The following DNAH12 variants were observed in gnomAD, a reference collection of about 807,000 sequenced individuals.
The protein encoded by DNAH12 is dynein axonemal heavy chain 12.
Under a neutral mutation model 371.5 loss-of-function variants are expected in DNAH12, and 285 were observed. The ratio of observed to expected loss-of-function variants is 0.77; its 90% CI spans 0.70 to 0.85. The LOEUF (loss-of-function observed/expected upper bound fraction) is 0.85. Ranked by LOEUF, DNAH12 falls within the 40% of genes least tolerant of loss-of-function variation. The probability of loss-of-function intolerance (pLI) is 0.00; values close to 1 mark genes in which losing one functional copy is unlikely to be tolerated. For missense variants in DNAH12, 3,611 were observed against 3,689.4 expected (o/e 0.98, Z 0.55); for synonymous variants, 1,200 against 1,213.0 (o/e 0.99, Z 0.22).
At chr3:57,470,156 T>TCTGACATGAAAC (rs1330945105) in intron 16 of DNAH12, among the ~76,000 whole-genome samples, 1 of 151,984 alleles carries the variant, frequency 6.6e-6, no homozygotes, top group Non-Finnish European at 1.5e-5. Flanking sequence ...GTCAGAAGGG[T>TCTGACATGAAAC]AATGTGCCGA....
the DNAH12 span, among the ~76,000 whole-genome samples, chr3:57,551,730 GAT>G: frequency 2.6e-5 from 4 of 151,364 alleles, no homozygotes; most frequent in East Asian, 1.9e-4. Flanking sequence ...TTTCTAAAAA[GAT>G]ATGTTTTCTC....
At position 57,419,393 on chromosome 3, in the gene DNAH12, T is replaced by C. The variant is rs2064493430; in HGVS notation, c.5688A>G (p.Leu1896=). The change falls in exon 37 of 74, where the codon CTA becomes CTG. Residue 1896 remains leucine (L), a synonymous_variant. Transcript: ENST00000495027. ...TTGCATAGGTAATACTCAAATCCAT[T>C]AGAAACGTATATCTAATTGTGTCCA... The part of the protein sequence containing the change: ...PTMDTIRYTF[L]MDLSITYAKP... 1.3e-6 allele frequency: 2 copies of C among 1,504,702 alleles called. No individual in the cohort carries two copies. 93.2% of individuals were successfully genotyped at this position (1,504,702 alleles called of 1,614,324 possible).
Position 57,461,961 on chromosome 3 carries a change from T to C in DNAH12, c.2536-272A>G, listed in dbSNP as rs147610136. Among the ~76,000 whole-genome samples, 10 of 152,284 alleles carry C rather than the reference T, an allele frequency of 6.6e-5. No homozygotes were observed. In the East Asian group the frequency reaches 1.9e-3, roughly 29 times the overall value. The stretch of plus-strand genomic sequence containing the variant: ...AATGGACAAGAGAATAAAATACCTG[T>C]AGGACTTTCTCTGAAGTGGCCTTTC... On this transcript the variant is annotated intron_variant, in intron 18 of 73. Transcript: ENST00000495027.
chr3:57,346,773 C>A (rs1283893096), intron 60 of DNAH12, among the ~76,000 whole-genome samples: 1 of 152,016 alleles, frequency 6.6e-6, no homozygotes, highest in Non-Finnish European at 1.5e-5. Flanking sequence ...GAAAGATATA[C>A]CATGCTAACA....
At chr3:57,470,913 G>T (rs1055217697) in intron 15 of DNAH12, among the ~76,000 whole-genome samples, 5 of 152,036 alleles carry the variant, frequency 3.3e-5, no homozygotes, top group African/African-American at 1.2e-4. Context: ...TGCCATGTTG[G>T]CTAGGCTGGT....
At chr3:57,363,278 T>C (rs2062978201) in intron 58 of DNAH12, among the ~76,000 whole-genome samples, 2 of 151,996 alleles carry the variant, frequency 1.3e-5, no homozygotes, top group Non-Finnish European at 2.9e-5. Flanking sequence ...ATACCTTACC[T>C]ATCCAATAAT....
intron 13 of DNAH12, among the ~76,000 whole-genome samples, chr3:57,477,451 G>A (rs940845610): frequency 4.6e-5 from 7 of 152,246 alleles, no homozygotes; most frequent in South Asian, 2.1e-4. Flanking sequence ...TGGAGTGCAC[G>A]GCAGCTCAAG....
chr3:57,449,423 C>T (rs11927060), intron 25 of DNAH12, among the ~76,000 whole-genome samples: 68,165 of 152,056 alleles, frequency 0.45, 17,124 homozygotes, highest in South Asian at 0.59. Flanking sequence ...AGGCTCCGGC[C>T]GCACAGGAGC....
chr3:57,302,131 A>G (rs1029966514), intron 69 of DNAH12, among the ~76,000 whole-genome samples, 192 bp from the exon 70 acceptor site: 1 of 152,172 alleles, frequency 6.6e-6, no homozygotes, highest in African/African-American at 2.4e-5. Flanking sequence ...TAATCATTAC[A>G]TACATATTTT....
chr3:57,520,032 G>A (rs1175111877), intron 4 of DNAH12: 6 of 713,438 alleles, frequency 8.4e-6, no homozygotes, highest in Non-Finnish European at 1.5e-5. Context: ...GGAGCCGATG[G>A]CCGACGTTGG....
intron 49 of DNAH12, among the ~76,000 whole-genome samples, chr3:57,383,453 A>G (rs2063437155): frequency 6.6e-6 from 1 of 151,678 alleles, no homozygotes; most frequent in African/African-American, 2.4e-5. Context: ...CATAGGGAGA[A>G]GTTACTTAAA....
chr3:57,500,635 A>G (rs183383417), intron 11 of DNAH12, among the ~76,000 whole-genome samples: 21 of 152,292 alleles, frequency 1.4e-4, no homozygotes, highest in Admixed American at 6.5e-4. Context: ...CTTCTTGCAT[A>G]ATCTCTTCAC....
intron 69 of DNAH12, among the ~76,000 whole-genome samples, chr3:57,304,362 G>A (rs1038320797): frequency 1.3e-5 from 2 of 152,048 alleles, no homozygotes; most frequent in Non-Finnish European, 2.9e-5. Context: ...TATGACCTCG[G>A]GTCCTCAGAC....
chr3:57,333,230 C>T (rs1348907609), intron 62 of DNAH12, among the ~76,000 whole-genome samples: 10 of 151,594 alleles, frequency 6.6e-5, no homozygotes, highest in African/African-American at 1.7e-4. Context: ...TTCCCGAGCT[C>T]GAACTCCTGA....
At chr3:57,543,315 G>GT (rs5849214) in intron 1 of DNAH12, among the ~76,000 whole-genome samples, 1,271 of 70,182 alleles carry the variant, frequency 0.018, 54 homozygotes, top group African/African-American at 0.036. Context: ...ATCATTAATG[G>GT]TTTTTTTTTT....
intron 2 of DNAH12, 135 bp downstream of exon 2, chr3:57,542,566 T>C (rs1247145806): frequency 1.0e-6 from 1 of 990,192 alleles, no homozygotes; most frequent in African/African-American, 1.7e-5. Flanking sequence ...TACTTTTCAA[T>C]TGTTTTTCTA....
intron 16 of DNAH12, 80 bp downstream of exon 16, chr3:57,470,363 A>T: frequency 7.5e-7 from 1 of 1,324,996 alleles, no homozygotes; most frequent in Non-Finnish European, 1.0e-6. Flanking sequence ...TTAAACACTT[A>T]ACCAAAAAAA....
the DNAH12 span, among the ~76,000 whole-genome samples, chr3:57,551,756 T>C: frequency 6.6e-6 from 1 of 151,336 alleles, no homozygotes; most frequent in Admixed American, 6.6e-5. Flanking sequence ...GTGTTATTAA[T>C]GAATCCAAAT....
At chr3:57,382,457 A>C (rs2153343260) in intron 49 of DNAH12, 64 bp from the exon 50 acceptor site, 1 of 152,338 alleles carries the variant, frequency 6.6e-6, no homozygotes, top group South Asian at 2.1e-4. Flanking sequence ...AAATAATGAA[A>C]AATTTTAAAG....
Sources: gnomAD v4.1 joint callset for allele counts (sites outside exome capture counted in the v4.1 genomes callset) on GRCh38, gnomAD v4.1.1 for gene constraint, MANE v1.5 for transcripts, NCBI Gene and HGNC (gene_info 2026-07-23, HGNC 2026-07-21) for gene names.